The following SNTG1 variants were observed in gnomAD, a reference collection of about 807,000 sequenced individuals.
SNTG1 encodes the protein gamma-1-syntrophin.
In SNTG1, 39 loss-of-function variants were observed where a neutral mutation model predicts 74.7. The observed-to-expected ratio is 0.52, with a 90% CI of 0.40 to 0.68. The LOEUF is 0.68. Among genes scored for constraint, SNTG1 ranks in the 30% least tolerant of loss-of-function variants. The pLI is 0.00. For synonymous variants in SNTG1, 254 were observed against 217.1 expected (o/e 1.17, Z -1.49); for missense variants, 685 against 609.5 (o/e 1.12, Z -1.30).
chr8:49,999,350 C>G (rs1416620543), intron 1 of SNTG1, among the ~76,000 whole-genome samples: 1 of 152,152 alleles, frequency 6.6e-6, no homozygotes, highest in Non-Finnish European at 1.5e-5. Context: ...CTGCTGCAAT[C>G]TCCTCTGAGC....
chr8:50,229,107 G>A (rs1218100187), intron 2 of SNTG1, among the ~76,000 whole-genome samples: 2 of 151,274 alleles, frequency 1.3e-5, no homozygotes, highest in Admixed American at 6.6e-5. Context: ...TGAACTCTAG[G>A]GCAATTACTA....
chr8:50,750,096 C>A (rs936294461), intron 17 of SNTG1, among the ~76,000 whole-genome samples: 31 of 151,920 alleles, frequency 2.0e-4, no homozygotes, highest in Non-Finnish European at 1.0e-4. Context: ...GGGAGGAGGT[C>A]AAAATATCAA....
rs1428073205 is a variant in SNTG1, at chr8:50,498,520, T to C, written c.364-4258T>C. 2.0e-5 allele frequency among the ~76,000 whole-genome samples: 3 copies of C among 151,882 alleles called. No individual in the cohort carries two copies. In the East Asian group the frequency reaches 5.8e-4, roughly 29 times the overall value. On this transcript the variant is annotated intron_variant, in intron 8 of 18. Transcript: ENST00000642720. ...GTATATATTATTTATCAGAAAAAGATTTACAAATATTTTCTCAAAGTTTGT... is the reference window on the plus strand; with the variant it reads ...GTATATATTATTTATCAGAAAAAGACTTACAAATATTTTCTCAAAGTTTGT...
intron 1 of SNTG1, among the ~76,000 whole-genome samples, chr8:50,047,345 AT>A (rs199932321): frequency 2.0e-5 from 3 of 151,864 alleles, no homozygotes; most frequent in Non-Finnish European, 4.4e-5. Context: ...AAAAAAAAAA[AT>A]TTTTAGTTCA....
At chr8:50,581,128 A>C (rs1389028064) in intron 12 of SNTG1, among the ~76,000 whole-genome samples, 1 of 152,238 alleles carries the variant, frequency 6.6e-6, no homozygotes, top group African/African-American at 2.4e-5. Flanking sequence ...CTAAAATATT[A>C]TTCTTAATCA....
At chr8:50,762,463 T>C in intron 18 of SNTG1, 1 of 321,620 alleles carries the variant, frequency 3.1e-6, no homozygotes, top group Admixed American at 3.3e-5. Flanking sequence ...CATTCTGTTT[T>C]GTAATAAATA....
At chr8:50,437,690 A>G (rs1056119902) in intron 4 of SNTG1, among the ~76,000 whole-genome samples, 5 of 152,184 alleles carry the variant, frequency 3.3e-5, no homozygotes, top group African/African-American at 1.2e-4. Context: ...ATGATTCTGC[A>G]TAGGGGAATG....
At chr8:50,351,108 A>G (rs2091646752) in intron 2 of SNTG1, among the ~76,000 whole-genome samples, 1 of 152,230 alleles carries the variant, frequency 6.6e-6, no homozygotes. Context: ...ACACACCCTT[A>G]CATGGTGTTG....
intron 1 of SNTG1, among the ~76,000 whole-genome samples, chr8:49,975,299 G>T (rs1369762600): frequency 6.6e-6 from 1 of 152,052 alleles, no homozygotes; most frequent in Non-Finnish European, 1.5e-5. Flanking sequence ...CTATAGTAGT[G>T]CTGGATAAAA....
intron 17 of SNTG1, among the ~76,000 whole-genome samples, chr8:50,748,145 T>C (rs1201319163): frequency 1.3e-5 from 2 of 152,064 alleles, no homozygotes; most frequent in Admixed American, 6.6e-5. Flanking sequence ...TATAAACCTG[T>C]AATATCTAAG....
intron 15 of SNTG1, among the ~76,000 whole-genome samples, chr8:50,700,681 C>A (rs112349380): frequency 1.3e-5 from 2 of 149,532 alleles, no homozygotes; most frequent in Non-Finnish European, 2.9e-5. Context: ...ATACAACTTT[C>A]CCCCTCCTAC....
intron 8 of SNTG1, among the ~76,000 whole-genome samples, chr8:50,460,597 C>G (rs547024787): frequency 6.6e-6 from 1 of 152,230 alleles, no homozygotes; most frequent in Admixed American, 6.5e-5. Flanking sequence ...AGGTTTTCTT[C>G]TAGGATACTT....
chr8:50,461,805 C>T (rs2093565619), intron 8 of SNTG1, among the ~76,000 whole-genome samples: 3 of 152,026 alleles, frequency 2.0e-5, no homozygotes, highest in Admixed American at 2.0e-4. Context: ...GCATATATTT[C>T]CTGCCAGTCT....
intron 13 of SNTG1, among the ~76,000 whole-genome samples, chr8:50,629,021 C>G (rs958280): frequency 0.051 from 7,734 of 152,094 alleles, 360 homozygotes; most frequent in African/African-American, 0.12. Flanking sequence ...AGCTAAAAAC[C>G]TTGAAATCAT....
At chr8:50,734,653 T>C (rs890888065) in intron 17 of SNTG1, among the ~76,000 whole-genome samples, 5 of 148,438 alleles carry the variant, frequency 3.4e-5, no homozygotes, top group Non-Finnish European at 7.5e-5. Context: ...TTTCTCTGTC[T>C]CTCTCTCTCT....
At chr8:50,035,510 T>C (rs1395128000) in intron 1 of SNTG1, among the ~76,000 whole-genome samples, 2 of 152,132 alleles carry the variant, frequency 1.3e-5, no homozygotes, top group Non-Finnish European at 2.9e-5. Flanking sequence ...AATGTGAAGA[T>C]TTTAGAAACA....
chr8:50,182,651 T>C (rs1002652452), intron 2 of SNTG1, among the ~76,000 whole-genome samples: 1 of 152,164 alleles, frequency 6.6e-6, no homozygotes, highest in Admixed American at 6.6e-5. Context: ...CGTGTGTGTG[T>C]ACACCAGACA....
In SNTG1 at chr8:50,546,385, T is replaced by C. The variant is rs1369148813; in HGVS notation, c.681-6665T>C. 2.2e-5 allele frequency among the ~76,000 whole-genome samples: 3 copies of C among 139,152 alleles called. No individual in the cohort carries two copies. The East Asian group carries it at 6.2e-4, about 29-fold the overall frequency. The allele number at this position is 139,152 out of a possible 152,430, so 91.3% of individuals were successfully genotyped here. A position where few individuals can be genotyped will look rare whatever the true frequency, so the allele number is the denominator to read the frequency against. On this transcript the variant is annotated intron_variant, in intron 11 of 18. Transcript: ENST00000642720. ...TACTAATTGAGAAGGAAGACTTTTT[T>C]ATTATTATTATTATACTTTAAGTTT... is the stretch of plus-strand genomic sequence containing the variant.
intron 15 of SNTG1, among the ~76,000 whole-genome samples, chr8:50,669,273 A>G (rs900954978): frequency 6.6e-6 from 1 of 152,152 alleles, no homozygotes; most frequent in Admixed American, 6.6e-5. Context: ...TCAAAGGATC[A>G]ACAAAATTGA....
Sources: gnomAD v4.1 joint callset for allele counts (sites outside exome capture counted in the v4.1 genomes callset) on GRCh38, gnomAD v4.1.1 for gene constraint, MANE v1.5 for transcripts, NCBI Gene and HGNC (gene_info 2026-07-23, HGNC 2026-07-21) for gene names.